CBLL1: variants seen among roughly 807,000 people sequenced by gnomAD.
CBLL1 encodes Cbl proto-oncogene like 1, also known as E3 ubiquitin-protein ligase Hakai.
In CBLL1, 4 loss-of-function variants were observed where a neutral mutation model predicts 44.9. The observed-to-expected ratio is 0.09, with a 90% CI of 0.04 to 0.20. The LOEUF (loss-of-function observed/expected upper bound fraction) is 0.20. CBLL1 is among the 10% of genes least tolerant of loss of function. CBLL1 has a pLI of 1.00. For missense variants in CBLL1, 569 were observed against 636.7 expected (o/e 0.89, Z 1.14); for synonymous variants, 235 against 202.2 (o/e 1.16, Z -1.38).
intron 2 of CBLL1, among the ~76,000 whole-genome samples, chr7:107,752,832 CAG>C (rs754511372): frequency 3.3e-5 from 5 of 152,038 alleles, no homozygotes; most frequent in Non-Finnish European, 5.9e-5. Context: ...GGTAATTAAT[CAG>C]GGAGTGGTTT....
chr7:107,748,293 T>C (rs1793106499), intron 1 of CBLL1, among the ~76,000 whole-genome samples: 1 of 152,224 alleles, frequency 6.6e-6, no homozygotes, highest in Non-Finnish European at 1.5e-5. Context: ...TTTTTACTAC[T>C]AAATGGTATA....
chr7:107,752,147 G>A (rs896870728), intron 2 of CBLL1, among the ~76,000 whole-genome samples: 3 of 150,804 alleles, frequency 2.0e-5, no homozygotes, highest in Non-Finnish European at 4.4e-5. Flanking sequence ...TGCAGTGAGC[G>A]GAGATTGCGC....
At chr7:107,756,273 T>TATTG (rs1192436580) in intron 5 of CBLL1, among the ~76,000 whole-genome samples, 1 of 152,168 alleles carries the variant, frequency 6.6e-6, no homozygotes. Context: ...AGATTTGTGG[T>TATTG]ATTGATTGAT....
chr7:107,744,593 T>G, intron 1 of CBLL1: 1 of 196,540 alleles, frequency 5.1e-6, no homozygotes, highest in Non-Finnish European at 1.0e-5. Context: ...GGTTGGAGAC[T>G]TCCTGCTGTC....
chr7:107,755,470 AG>A lies in CBLL1; in HGVS notation c.422del (p.Gly141GlufsTer51). 6.3e-7 allele frequency: 1 copy of A among 1,584,124 alleles called. No individual in the cohort carries two copies. The highest frequency in any genetic ancestry group is 1.4e-5 in the African/African-American group (1 of 73,466). On this transcript the variant is annotated frameshift_variant, in exon 5 of 6. Coordinates refer to ENST00000440859, the MANE Select transcript of CBLL1 (RefSeq NM_024814.4). LOFTEE classifies it high-confidence loss of function. ...CYDCAILHEK[K>X]GDKMCPGCSD... The stretch of plus-strand genomic sequence containing the variant: ...GACTGTGCTATTTTACATGAAAAAA[AG>A]GGAGATAAGATGTGTCCAGGGTAAG...
rs781650685 is a variant in CBLL1 at position 107,758,626 on chromosome 7, A to G, written c.924A>G (p.Pro308=). 1 of 1,614,018 alleles carries G rather than the reference A, an allele frequency of 6.2e-7. No homozygotes were observed. The highest frequency in any genetic ancestry group is 8.5e-7 in the Non-Finnish European group (1 of 1,179,992). The change falls in exon 6 of 6, where the codon CCA becomes CCG. Residue 308 remains proline, a synonymous_variant. Transcript: ENST00000440859. This position sits in a 1 kb window ranked among gnomAD's most constrained non-coding sequence, Gnocchi z 4.2. ...QDDSNSGARE[P]PPPAPAPAHH... The stretch of plus-strand genomic sequence containing the variant: ...ACTCAAATTCAGGTGCTAGAGAACC[A>G]CCACCTCCTGCCCCAGCACCTGCTC...
chr7:107,748,796 A>T (rs1476744588), intron 1 of CBLL1, 84 bp from the exon 2 acceptor site: 2 of 1,092,472 alleles, frequency 1.8e-6, no homozygotes, highest in African/African-American at 3.2e-5. Context: ...TGATAATGTT[A>T]GGTATGGTGT....
chr7:107,759,266 G>T lies in CBLL1; in HGVS notation c.*88G>T. The T allele has an allele frequency of 2.5e-6, 3 of 1,182,110 alleles. No homozygotes were observed. Among genetic ancestry groups the T allele is most frequent in the South Asian group, 2.9e-5 (2 of 67,800 alleles). 73.2% of individuals were successfully genotyped at this position (1,182,110 alleles called of 1,614,324 possible). On this transcript the variant is annotated 3_prime_UTR_variant, in exon 6 of 6. Transcript: ENST00000440859. The stretch of plus-strand genomic sequence containing the variant: ...GCTTTGACTGTTTTGGGAAGGAAGA[G>T]TACCTCTTATCGAGGTAGTATAAAA...
Position 107,753,982 on chromosome 7 carries a change from A to C in CBLL1, c.366+4A>C, listed in dbSNP as rs531516644. The C allele has an allele frequency of 6.5e-7, 1 of 1,537,190 alleles. No homozygotes were observed. Among genetic ancestry groups the C allele is most frequent in the Admixed American group, 1.8e-5 (1 of 56,210 alleles). ...TATTAAAATCTATGGGAGAATGGTAAGTATAATTAAATATTGTTTTTGTAA... is the reference window on the plus strand; with the variant it reads ...TATTAAAATCTATGGGAGAATGGTACGTATAATTAAATATTGTTTTTGTAA... On this transcript the variant is annotated splice_donor_region_variant and intron_variant, in intron 4 of 5. Coordinates refer to ENST00000440859, the MANE Select transcript of CBLL1 (RefSeq NM_024814.4).
chr7:107,757,566 TTGTC>T (rs1427722654), intron 5 of CBLL1, among the ~76,000 whole-genome samples: 1 of 152,202 alleles, frequency 6.6e-6, no homozygotes, highest in Non-Finnish European at 1.5e-5. Flanking sequence ...AAGTGTAAAT[TTGTC>T]TGACAGTTCA....
intron 2 of CBLL1, among the ~76,000 whole-genome samples, chr7:107,750,929 T>C (rs1793259353): frequency 6.6e-6 from 1 of 151,984 alleles, no homozygotes; most frequent in Admixed American, 6.6e-5. Flanking sequence ...AGTTCACTGA[T>C]ACTGCTTTAG....
chr7:107,757,777 C>A (rs551103764), intron 5 of CBLL1, among the ~76,000 whole-genome samples: 1 of 152,260 alleles, frequency 6.6e-6, no homozygotes, highest in South Asian at 2.1e-4. Context: ...GTTTGAATTC[C>A]ATGATTGTAA....
chr7:107,746,395 C>T (rs1338373949), intron 1 of CBLL1, among the ~76,000 whole-genome samples: 1 of 138,342 alleles, frequency 7.2e-6, no homozygotes, highest in East Asian at 2.3e-4. Flanking sequence ...TTAACACTAG[C>T]TTCTTACCTA....
In CBLL1 at chr7:107,759,269, C is replaced by G. The variant is rs948779752; in HGVS notation, c.*91C>G. 1 of 1,142,460 alleles carries G rather than the reference C, an allele frequency of 8.8e-7. No homozygotes were observed. The highest frequency in any genetic ancestry group is 1.2e-6 in the Non-Finnish European group (1 of 807,464). 70.8% of individuals were successfully genotyped at this position (1,142,460 alleles called of 1,614,324 possible). The stretch of plus-strand genomic sequence containing the variant: ...TTGACTGTTTTGGGAAGGAAGAGTA[C>G]CTCTTATCGAGGTAGTATAAAACAC... On this transcript the variant is annotated 3_prime_UTR_variant, in exon 6 of 6. Coordinates refer to ENST00000440859, the MANE Select transcript of CBLL1 (RefSeq NM_024814.4).
intron 2 of CBLL1, among the ~76,000 whole-genome samples, chr7:107,751,807 A>G (rs1396659371): frequency 6.6e-6 from 1 of 152,178 alleles, no homozygotes; most frequent in Non-Finnish European, 1.5e-5. Flanking sequence ...ATCAAAATAT[A>G]TATAGTTTAA....
Position 107,761,101 on chromosome 7 carries a change from G to T in CBLL1, c.*1923G>T, listed in dbSNP as rs974131592. 3 of 152,026 alleles carry T rather than the reference G, an allele frequency of 2.0e-5. No individual in the cohort carries two copies. Among genetic ancestry groups the T allele is most frequent in the African/African-American group, 7.2e-5 (3 of 41,390 alleles). The allele number at this position is 152,026 out of a possible 1,614,324, so 9.4% of individuals were successfully genotyped here. ...GATTCCTTTTCATCCCCCTGTTTAG[G>T]AGCTATTAAAATATTACTGTTAAAA... On this transcript the variant is annotated 3_prime_UTR_variant, in exon 6 of 6. Coordinates refer to ENST00000440859, the MANE Select transcript of CBLL1 (RefSeq NM_024814.4).
At chr7:107,748,581 A>C (rs2115605374) in intron 1 of CBLL1, among the ~76,000 whole-genome samples, 1 of 152,210 alleles carries the variant, frequency 6.6e-6, no homozygotes, top group African/African-American at 2.4e-5. Flanking sequence ...TAATGGTTTC[A>C]TGTTTCTGTA....
At chr7:107,746,456 C>G (rs1271993779) in intron 1 of CBLL1, among the ~76,000 whole-genome samples, 1 of 152,058 alleles carries the variant, frequency 6.6e-6, no homozygotes, top group Non-Finnish European at 1.5e-5. Flanking sequence ...TATCAGAAGA[C>G]AGTATCAAAT....
At chr7:107,750,565 A>C (rs1466055121) in intron 2 of CBLL1, among the ~76,000 whole-genome samples, 1 of 152,086 alleles carries the variant, frequency 6.6e-6, no homozygotes, top group Non-Finnish European at 1.5e-5. Flanking sequence ...CGGCCTCCCA[A>C]AGTGCTGGGA....
Sources: gnomAD v4.1 joint callset for allele counts (sites outside exome capture counted in the v4.1 genomes callset) on GRCh38, gnomAD v4.1.1 for gene constraint, Gnocchi (gnomAD v3.1) non-coding constraint, MANE v1.5 for transcripts, NCBI Gene and HGNC (gene_info 2026-07-23, HGNC 2026-07-21) for gene names.